RIT2: variants seen among roughly 807,000 people sequenced by gnomAD.
The protein encoded by RIT2 is Ras like without CAAX 2.
A neutral mutation model predicts 23.7 loss-of-function variants in RIT2; 24 were observed. The ratio of observed to expected loss-of-function variants is 1.01; its 90% CI spans 0.73 to 1.43. The LOEUF (loss-of-function observed/expected upper bound fraction) is 1.43, where lower values mean the gene tolerates loss of function less well. Among genes scored for constraint, RIT2 ranks in the 40% most tolerant of loss-of-function variants. The pLI is 0.00. For missense variants in RIT2, 236 were observed against 266.9 expected, an observed-to-expected ratio of 0.88 and a Z score of 0.81; for synonymous variants, 107 against 91.1, an observed-to-expected ratio of 1.17 and a Z score of -0.99.
At chr18:42,950,779 C>A (rs1464730300) in intron 3 of RIT2, among the ~76,000 whole-genome samples, 1 of 151,234 alleles carries the variant, frequency 6.6e-6, no homozygotes, top group Non-Finnish European at 1.5e-5. Flanking sequence ...TAGAAGTGGC[C>A]CCCAAACTTG....
intron 4 of RIT2, among the ~76,000 whole-genome samples, chr18:42,858,578 C>T (rs560872330): frequency 2.0e-5 from 3 of 152,302 alleles, no homozygotes; most frequent in Non-Finnish European, 4.4e-5. Context: ...AATTGACCCA[C>T]TTAAAGTATA....
chr18:42,842,893 A>G (rs1906806124), intron 4 of RIT2, among the ~76,000 whole-genome samples: 1 of 152,166 alleles, frequency 6.6e-6, no homozygotes, highest in East Asian at 1.9e-4. Flanking sequence ...TTAGAAAATA[A>G]TCTCTTCCAA....
chr18:42,823,991 T>C lies in RIT2; in HGVS notation c.427-80271A>G, dbSNP rs537582488. ...CATAATTCCGTTTAAGTCGTCATCT[T>C]TTCAAATGAAGACTTTTCGTTCATC... On this transcript the variant is annotated intron_variant, in intron 4 of 4. Coordinates refer to ENST00000326695, the MANE Select transcript of RIT2 (RefSeq NM_002930.4). Among the ~76,000 whole-genome samples the C allele has an allele frequency of 7.2e-5, 11 of 152,266 alleles. No individual in the cohort carries two copies. In the East Asian group the frequency reaches 2.1e-3, roughly 29 times the overall value.
Position 43,087,400 on chromosome 18 carries a change from A to G in RIT2, c.103+28017T>C, listed in dbSNP as rs1913311258. Among the ~76,000 whole-genome samples the G allele has an allele frequency of 2.0e-5, 3 of 152,168 alleles. No homozygotes were observed. In the South Asian group the frequency reaches 6.2e-4, roughly 32 times the overall value. On this transcript the variant is annotated intron_variant, in intron 1 of 4. Coordinates refer to ENST00000326695, the MANE Select transcript of RIT2 (RefSeq NM_002930.4). ...GCACTATTTTGAGCATTTTATAGAC[A>G]TTAATATAACTAATCTTCAAGATAA...
intron 3 of RIT2, among the ~76,000 whole-genome samples, chr18:42,959,853 G>A (rs1053273399): frequency 6.6e-6 from 1 of 152,200 alleles, no homozygotes; most frequent in Admixed American, 6.5e-5. Context: ...ATATTTCTGA[G>A]ATGATGACTA....
At chr18:42,935,992 T>C (rs1909448642) in intron 3 of RIT2, among the ~76,000 whole-genome samples, 1 of 151,688 alleles carries the variant, frequency 6.6e-6, no homozygotes, top group Non-Finnish European at 1.5e-5. Context: ...CAGTTTCCTT[T>C]TACATCCGAG....
intron 3 of RIT2, among the ~76,000 whole-genome samples, chr18:42,933,790 C>A (rs2144148300): frequency 6.6e-6 from 1 of 152,072 alleles, no homozygotes; most frequent in East Asian, 1.9e-4. Context: ...GAGGCTGAGG[C>A]AGGCAGAACA....
intron 2 of RIT2, among the ~76,000 whole-genome samples, chr18:43,031,803 A>G (rs1472147593): frequency 1.3e-5 from 2 of 152,098 alleles, no homozygotes; most frequent in African/African-American, 4.8e-5. Context: ...GAAGGATTGA[A>G]AAATATTTAT....
intron 2 of RIT2, among the ~76,000 whole-genome samples, chr18:42,988,397 T>C (rs1910764713): frequency 6.6e-6 from 1 of 152,220 alleles, no homozygotes; most frequent in East Asian, 1.9e-4. Context: ...ATAACAATTG[T>C]ATTTCAGATA....
At chr18:43,006,179 G>A (rs1333663627) in intron 2 of RIT2, among the ~76,000 whole-genome samples, 1 of 151,666 alleles carries the variant, frequency 6.6e-6, no homozygotes, top group Non-Finnish European at 1.5e-5. Context: ...CTGTATAGTA[G>A]TACAATTTTT....
At chr18:43,085,942 T>C (rs1913273522) in intron 1 of RIT2, among the ~76,000 whole-genome samples, 1 of 152,132 alleles carries the variant, frequency 6.6e-6, no homozygotes, top group Non-Finnish European at 1.5e-5. Flanking sequence ...ATGTAAGACA[T>C]AGATTTTGCC....
At chr18:42,795,156 GA>G (rs1914128897) in intron 4 of RIT2, among the ~76,000 whole-genome samples, 1 of 152,208 alleles carries the variant, frequency 6.6e-6, no homozygotes, top group Non-Finnish European at 1.5e-5. Flanking sequence ...GGCACTTGAG[GA>G]GCCCTTCAGC....
At chr18:43,066,879 A>C (rs1912782761) in intron 1 of RIT2, among the ~76,000 whole-genome samples, 1 of 151,370 alleles carries the variant, frequency 6.6e-6, no homozygotes, top group Non-Finnish European at 1.5e-5. Context: ...AGTTGGAAGC[A>C]GGGTTGCTTA....
At chr18:42,769,268 A>T (rs1355933376) in intron 4 of RIT2, among the ~76,000 whole-genome samples, 1 of 152,164 alleles carries the variant, frequency 6.6e-6, no homozygotes, top group Non-Finnish European at 1.5e-5. Flanking sequence ...TAATACATTC[A>T]TTTCTGTGAC....
chr18:43,018,486 C>A (rs1911523721), intron 2 of RIT2, among the ~76,000 whole-genome samples: 1 of 151,664 alleles, frequency 6.6e-6, no homozygotes, highest in East Asian at 2.0e-4. Context: ...TTAAATGTAT[C>A]CCCAAATCAA....
chr18:42,988,780 T>C (rs1251431556), intron 2 of RIT2, among the ~76,000 whole-genome samples: 1 of 151,716 alleles, frequency 6.6e-6, no homozygotes, highest in East Asian at 1.9e-4. Context: ...AAAAGGGAAA[T>C]GGAAGGGGAG....
chr18:43,034,885 C>T (rs964904726), intron 1 of RIT2, among the ~76,000 whole-genome samples: 1 of 152,168 alleles, frequency 6.6e-6, no homozygotes, highest in Non-Finnish European at 1.5e-5. Context: ...TTTCCATGCA[C>T]AGGTGTAACC....
intron 2 of RIT2, among the ~76,000 whole-genome samples, chr18:42,990,744 CTTAT>C (rs1910822711): frequency 6.6e-6 from 1 of 152,000 alleles, no homozygotes; most frequent in Admixed American, 6.6e-5. Context: ...AGTTGTGATG[CTTAT>C]TTAATTTGCA....
At chr18:42,842,541 G>T (rs1354563345) in intron 4 of RIT2, among the ~76,000 whole-genome samples, 1 of 151,966 alleles carries the variant, frequency 6.6e-6, no homozygotes, top group African/African-American at 2.4e-5. Flanking sequence ...TTATAAATAT[G>T]CTTCTCAGAT....
Sources: gnomAD v4.1 joint callset for allele counts (sites outside exome capture counted in the v4.1 genomes callset) on GRCh38, gnomAD v4.1.1 for gene constraint, MANE v1.5 for transcripts, NCBI Gene and HGNC (gene_info 2026-07-23, HGNC 2026-07-21) for gene names.